Variants in CENPF observed in about 807,000 individuals in gnomAD.
CENPF encodes the protein AH antigen.
In CENPF, 214 loss-of-function variants were observed where a neutral mutation model predicts 307.3. The ratio of observed to expected loss-of-function variants is 0.70; its 90% CI spans 0.62 to 0.78. The LOEUF is 0.78. Among genes scored for constraint, CENPF ranks in the 30% least tolerant of loss-of-function variants. CENPF has a pLI of 0.00. For missense variants in CENPF, 3,401 were observed against 3,483.9 expected, an observed-to-expected ratio of 0.98 and a Z score of 0.60; for synonymous variants, 1,259 against 1,270.6, an observed-to-expected ratio of 0.99 and a Z score of 0.19.
intron 1 of CENPF, chr1:214,608,405 C>T: frequency 6.2e-7 from 1 of 1,613,434 alleles, no homozygotes; most frequent in African/African-American, 1.3e-5. Context: ...CCGGAGTAGT[C>T]GTAGGAGAAG....
Position 214,645,344 on chromosome 1 carries a change from T to C in CENPF, c.5774T>C (p.Leu1925Ser). Residue 1925 changes from leucine (L) to serine (S), a missense_variant, in exon 13 of 20, where the codon TTA (leucine) becomes TCA (serine). By Grantham distance (145) the Leu-to-Ser change is moderately radical. Transcript: ENST00000366955. ...GAAGCCCTCTACCTGGAGGCTGACT[T>C]AGAGGTAGTTCAAACAGAGAAGCTA... is the stretch of plus-strand genomic sequence containing the variant. ...EHEALYLEAD[L>S]EVVQTEKLCL... The C allele has an allele frequency of 6.2e-7, 1 of 1,614,064 alleles. No individual in the cohort carries two copies. Among genetic ancestry groups the C allele is most frequent in the Non-Finnish European group, 8.5e-7 (1 of 1,179,996 alleles).
chr1:214,659,210 C>T lies in CENPF; in HGVS notation c.9141+182C>T, dbSNP rs1658728845. Among the ~76,000 whole-genome samples the T allele has an allele frequency of 6.6e-6, 1 of 152,104 alleles. No individual in the cohort carries two copies. The highest frequency in any genetic ancestry group is 1.5e-5 in the Non-Finnish European group (1 of 68,010). On this transcript the variant is annotated intron_variant, in intron 19 of 19. Transcript: ENST00000366955. This position sits in a 1 kb window ranked among gnomAD's most constrained non-coding sequence, Gnocchi z 4.4. ...GGGTGAGCATTACAGTATCAGGGTA[C>T]ATGATCTCATCCTTCAGTCAACAGG...
chr1:214,618,491 A>G, intron 3 of CENPF, 82 bp from the exon 4 acceptor site: 2 of 1,476,512 alleles, frequency 1.4e-6, no homozygotes, highest in Non-Finnish European at 1.8e-6. Flanking sequence ...TAAGTTTATT[A>G]CTCTCTGGGA....
intron 1 of CENPF, among the ~76,000 whole-genome samples, chr1:214,606,786 G>A (rs895901729): frequency 7.5e-6 from 1 of 133,566 alleles, no homozygotes; most frequent in Non-Finnish European, 1.7e-5. Context: ...TGTGCAGCCC[G>A]TGACCCAGCT....
rs2102559728 is a variant in CENPF at position 214,641,512 on chromosome 1, T to A, written c.3174T>A (p.Asn1058Lys). The change falls in exon 12 of 20, where the codon AAT becomes AAA. Residue 1058 changes from asparagine to lysine, a missense_variant. By Grantham distance (94) the Asn-to-Lys change is moderately conservative (BLOSUM62 0). Transcript: ENST00000366955. ...ATTCTAAATTAGAATGCTTGCTAAA[T>A]GAATGCACTAGTCTTTGTGAAAATA... Reference protein sequence around the residue: ...EKNSKLECLLNECTSLCENRK... With the variant: ...EKNSKLECLLKECTSLCENRK... 6.6e-7 allele frequency: 1 copy of A among 1,521,636 alleles called. No homozygotes were observed. The highest frequency in any genetic ancestry group is 1.4e-5 in the South Asian group (1 of 73,504). 94.3% of individuals were successfully genotyped at this position (1,521,636 alleles called of 1,614,324 possible). A position where few individuals can be genotyped will look rare whatever the true frequency, so the allele number is the denominator to read the frequency against.
rs115095490 is a variant in CENPF at position 214,656,305 on chromosome 1, A to G, written c.8486-628A>G. Among the ~76,000 whole-genome samples, 709 of 152,298 alleles carry G rather than the reference A, an allele frequency of 4.7e-3. 3 individuals are homozygous for G. Among genetic ancestry groups the G allele is most frequent in the African/African-American group, 0.016 (663 of 41,554 alleles). On this transcript the variant is annotated intron_variant, in intron 17 of 19. Transcript: ENST00000366955. ...CTGTAGTGTAGCAGGATGTGGGTCAACAGTCTTCCCTGTTGGAAACAGTGC... is the reference window on the plus strand; with the variant it reads ...CTGTAGTGTAGCAGGATGTGGGTCAGCAGTCTTCCCTGTTGGAAACAGTGC...
At chr1:214,622,722 CGT>C (rs1558174094) in intron 7 of CENPF, among the ~76,000 whole-genome samples, 32 of 141,482 alleles carry the variant, frequency 2.3e-4, no homozygotes, top group African/African-American at 9.0e-4. Context: ...AACTATGGAT[CGT>C]AAGTATTTAG....
chr1:214,645,464 G>A lies in CENPF; in HGVS notation c.5894G>A (p.Gly1965Glu). Reference sequence around the variant, plus strand: ...ACAAGTGAGAGAAACCAGCTTCGTGGAGAATTAGATACTATGTCAAAAAAA... The same window carrying A: ...ACAAGTGAGAGAAACCAGCTTCGTGAAGAATTAGATACTATGTCAAAAAAA... Reference protein sequence around the residue: ...VVTSERNQLRGELDTMSKKTT... With the variant: ...VVTSERNQLREELDTMSKKTT... Residue 1965 changes from glycine (G) to glutamate (E), a missense_variant, in exon 13 of 20, where the codon GGA (glycine) becomes GAA (glutamate). By Grantham distance (98) the Gly-to-Glu change is moderately conservative. Transcript: ENST00000366955. 6.2e-7 allele frequency: 1 copy of A among 1,613,798 alleles called. No homozygotes were observed. Among genetic ancestry groups the A allele is most frequent in the African/African-American group, 1.3e-5 (1 of 74,940 alleles).
In CENPF at chr1:214,608,696, C is replaced by T. The variant is rs936844828; in HGVS notation, c.-41-5018C>T. 3.8e-6 allele frequency: 6 copies of T among 1,594,480 alleles called. No homozygotes were observed. In the African/African-American group the frequency reaches 5.4e-5, roughly 14 times the overall value. ...CGCAGGGTCCCCAAGGGGGCGGCCC[C>T]GGCCCCACCAGGCCCCGGCTCGGGC... On this transcript the variant is annotated intron_variant, in intron 1 of 19. Coordinates refer to ENST00000366955, the MANE Select transcript of CENPF (RefSeq NM_016343.4).
At chr1:214,625,305 C>T (rs568513805) in intron 7 of CENPF, among the ~76,000 whole-genome samples, 28 of 152,204 alleles carry the variant, frequency 1.8e-4, no homozygotes, top group South Asian at 6.2e-4. Flanking sequence ...ATCTCTGCCT[C>T]CCAGGTTCAA....
chr1:214,642,209 T>A lies in CENPF; in HGVS notation c.3871T>A (p.Cys1291Ser), dbSNP rs1432945021. The change falls in exon 12 of 20, where the codon TGC (cysteine) becomes AGC (serine). Residue 1291 changes from cysteine to serine, a missense_variant. Cys to Ser is a moderately radical substitution (Grantham distance 112). Coordinates refer to ENST00000366955, the MANE Select transcript of CENPF (RefSeq NM_016343.4). Reference sequence around the variant, plus strand: ...TCAAAACGACAATGCACACCTTCAGTGCTCTCTGCAAACAACAATGAACAA... The same window carrying A: ...TCAAAACGACAATGCACACCTTCAGAGCTCTCTGCAAACAACAATGAACAA... ...TSQNDNAHLQ[C>S]SLQTTMNKLN... is the part of the protein sequence containing the mutation. 8 of 1,614,046 alleles carry A rather than the reference T, an allele frequency of 5.0e-6. No individual in the cohort carries two copies. Among genetic ancestry groups the A allele is most frequent in the Non-Finnish European group, 5.9e-6 (7 of 1,180,028 alleles).
intron 15 of CENPF, among the ~76,000 whole-genome samples, chr1:214,652,569 G>C (rs766443141): frequency 6.6e-6 from 1 of 150,772 alleles, no homozygotes; most frequent in South Asian, 2.1e-4. Flanking sequence ...TCAGCCTCCC[G>C]AGTAGCTGGG....
At chr1:214,644,096 T>G (rs1658210822) in intron 12 of CENPF, among the ~76,000 whole-genome samples, 3 of 152,312 alleles carry the variant, frequency 2.0e-5, no homozygotes, top group Admixed American at 2.0e-4. Flanking sequence ...TAATGTACAG[T>G]AAGTGCTGGA....
chr1:214,642,858 C>T lies in CENPF; in HGVS notation c.4520C>T (p.Ser1507Phe), dbSNP rs145589304. The T allele has an allele frequency of 1.3e-4, 214 of 1,613,994 alleles. 1 individual carries two copies. In the African/African-American group the frequency reaches 2.3e-3, roughly 17 times the overall value. ...RALLEQTGDMSLLSNLEGAVS... is the reference protein window; with the variant it reads ...RALLEQTGDMFLLSNLEGAVS... ...CTTTTAGAACAGACAGGAGATATGTCTCTTTTGAGTAATTTAGAAGGGGCT... is the reference window on the plus strand; with the variant it reads ...CTTTTAGAACAGACAGGAGATATGTTTCTTTTGAGTAATTTAGAAGGGGCT... Residue 1507 changes from serine to phenylalanine, a missense_variant, in exon 12 of 20, where the codon TCT (serine) becomes TTT (phenylalanine). Coordinates refer to ENST00000366955, the MANE Select transcript of CENPF (RefSeq NM_016343.4).
chr1:214,616,770 T>C (rs957039716), intron 3 of CENPF, among the ~76,000 whole-genome samples: 4 of 152,140 alleles, frequency 2.6e-5, no homozygotes, highest in African/African-American at 9.7e-5. Flanking sequence ...TGGAGCTAAA[T>C]GGAGCTAAGG....
At chr1:214,619,309 A>G in intron 5 of CENPF, 89 bp downstream of exon 5, 1 of 688,798 alleles carries the variant, frequency 1.5e-6, no homozygotes, top group Non-Finnish European at 2.5e-6. Flanking sequence ...AATCTGTTTT[A>G]CATAGAGCTG....
chr1:214,618,958 A>G (rs1657432466), intron 4 of CENPF, among the ~76,000 whole-genome samples, 171 bp from the exon 5 acceptor site: 1 of 152,162 alleles, frequency 6.6e-6, no homozygotes, highest in South Asian at 2.1e-4. Context: ...TTATGTTTTT[A>G]TGTGTTTTGA....
chr1:214,655,240 G>A lies in CENPF; in HGVS notation c.8323-1G>A. 1 of 1,565,110 alleles carries A rather than the reference G, an allele frequency of 6.4e-7. No individual in the cohort carries two copies. The highest frequency in any genetic ancestry group is 1.2e-5 in the South Asian group (1 of 80,414). Reference sequence around the variant, plus strand: ...TAAATGGAATTACTTTTATTTTGTAGATGGACAATCTAAAATATGTAAATC... The same window carrying A: ...TAAATGGAATTACTTTTATTTTGTAAATGGACAATCTAAAATATGTAAATC... On this transcript the variant is annotated splice_acceptor_variant, in intron 16 of 19. Coordinates refer to ENST00000366955, the MANE Select transcript of CENPF (RefSeq NM_016343.4). LOFTEE classifies it high-confidence loss of function.
In CENPF at chr1:214,645,224, A is replaced by T. The variant is rs1441833752; in HGVS notation, c.5654A>T (p.Asn1885Ile). 2 of 1,614,076 alleles carry T rather than the reference A, an allele frequency of 1.2e-6. No homozygotes were observed. The highest frequency in any genetic ancestry group is 2.2e-5 in the South Asian group (2 of 91,072). Reference sequence around the variant, plus strand: ...TCATCACGTGAAGATATTGGAGATAATGTGGCCAAGGTGAATGACAGCTGG... The same window carrying T: ...TCATCACGTGAAGATATTGGAGATATTGTGGCCAAGGTGAATGACAGCTGG... ...DKSSREDIGDNVAKVNDSWKE... is the reference protein window; with the variant it reads ...DKSSREDIGDIVAKVNDSWKE... Residue 1885 changes from asparagine to isoleucine, a missense_variant, in exon 13 of 20, where the codon AAT becomes ATT. Physicochemically the swap from Asn to Ile is moderately radical, Grantham distance 149. Transcript: ENST00000366955.
Sources: allele counts gnomAD v4.1 joint callset (sites outside exome capture counted in the v4.1 genomes callset), GRCh38; gene constraint gnomAD v4.1.1; non-coding constraint Gnocchi (gnomAD v3.1); transcripts MANE v1.5; gene names NCBI Gene and HGNC (gene_info 2026-07-23, HGNC 2026-07-21).